Variants in DPYSL3 observed in about 807,000 individuals in gnomAD.
DPYSL3 encodes dihydropyrimidinase like 3, also known as dihydropyrimidinase-related protein 3.
DPYSL3 carries 16 observed loss-of-function variants against 66.1 expected under a neutral mutation model. The observed-to-expected ratio is 0.24, with a 90% CI of 0.16 to 0.37. DPYSL3 has a LOEUF of 0.37. DPYSL3 is among the 10% of genes least tolerant of loss of function. DPYSL3 has a pLI of 1.00. For synonymous variants in DPYSL3, 338 were observed against 345.1 expected, an observed-to-expected ratio of 0.98 and a Z score of 0.23; for missense variants, 738 against 916.2, an observed-to-expected ratio of 0.81 and a Z score of 2.51.
At chr5:147,486,130 T>C (rs1261487829) in intron 1 of DPYSL3, among the ~76,000 whole-genome samples, 1 of 152,180 alleles carries the variant, frequency 6.6e-6, no homozygotes, top group Admixed American at 6.5e-5. Flanking sequence ...TTCGTTTATA[T>C]AAAATATCCA....
intron 1 of DPYSL3, among the ~76,000 whole-genome samples, chr5:147,483,961 G>T (rs149837760): frequency 6.6e-6 from 1 of 152,152 alleles, no homozygotes. Flanking sequence ...AACATTACAC[G>T]TCACTTTCCA....
chr5:147,395,630 G>C lies in DPYSL3; in HGVS notation c.1895C>G (p.Ser632Cys). Residue 632 changes from serine (S) to cysteine (C), a missense_variant, in exon 13 of 14, where the codon TCT becomes TGT. By Grantham distance (112) the Ser-to-Cys change is moderately radical. Transcript: ENST00000343218. ...TTPKGGTPAG[S>C]ARGSPTRPNP... Reference sequence around the variant, plus strand: ...CGGCCGAGTAGGAGAGCCCCGAGCAGAGCCTGCGGGGGTGCCACCTTTGGG... The same window carrying C: ...CGGCCGAGTAGGAGAGCCCCGAGCACAGCCTGCGGGGGTGCCACCTTTGGG... 1 of 1,614,130 alleles carries C rather than the reference G, an allele frequency of 6.2e-7. No homozygotes were observed. The highest frequency in any genetic ancestry group is 1.7e-5 in the Admixed American group (1 of 60,012).
intron 2 of DPYSL3, among the ~76,000 whole-genome samples, chr5:147,420,516 G>C (rs1752056046): frequency 6.6e-6 from 1 of 152,098 alleles, no homozygotes; most frequent in South Asian, 2.1e-4. Context: ...ATGATGATTT[G>C]GGCCTTGATA....
intron 6 of DPYSL3, among the ~76,000 whole-genome samples, chr5:147,411,659 C>T (rs1751855017): frequency 6.6e-6 from 1 of 152,282 alleles, no homozygotes; most frequent in African/African-American, 2.4e-5. Context: ...CACCAAACGG[C>T]ACCTGCTATC....
intron 1 of DPYSL3, among the ~76,000 whole-genome samples, chr5:147,436,412 CA>C (rs1387868765): frequency 6.6e-6 from 1 of 151,914 alleles, no homozygotes; most frequent in Non-Finnish European, 1.5e-5. Context: ...TCAAAGCAAA[CA>C]AAAAATGCTG....
chr5:147,397,972 C>T, intron 11 of DPYSL3, 127 bp from the exon 12 acceptor site: 1 of 900,210 alleles, frequency 1.1e-6, no homozygotes, highest in East Asian at 2.8e-5. Context: ...GCTCACCATG[C>T]ATCTGCAAGC....
intron 1 of DPYSL3, among the ~76,000 whole-genome samples, chr5:147,477,879 G>A (rs1386838934): frequency 2.6e-5 from 4 of 152,106 alleles, no homozygotes; most frequent in Non-Finnish European, 5.9e-5. Context: ...ACCGCGCCCG[G>A]CCCTAAATCT....
In DPYSL3 at chr5:147,391,078, G is replaced by A. The variant is rs903885818; in HGVS notation, c.*2957C>T. 6.6e-6 allele frequency: 1 copy of A among 152,628 alleles called. No homozygotes were observed. The highest frequency in any genetic ancestry group is 2.4e-5 in the African/African-American group (1 of 41,436). 9.5% of individuals were successfully genotyped at this position (152,628 alleles called of 1,614,324 possible). ...GCTGGCTGCCCAGGGCAGCCCATGA[G>A]TGTATCTGGGACTCAAGCTGGAGTT... On this transcript the variant is annotated 3_prime_UTR_variant, in exon 14 of 14. Coordinates refer to ENST00000343218, the MANE Select transcript of DPYSL3 (RefSeq NM_001197294.2).
intron 6 of DPYSL3, among the ~76,000 whole-genome samples, chr5:147,409,610 G>A (rs1285011361): frequency 6.6e-6 from 1 of 152,144 alleles, no homozygotes; most frequent in African/African-American, 2.4e-5. Flanking sequence ...GCCTCTTTAT[G>A]GAAGAAGCAG....
chr5:147,428,843 C>T (rs1199117261), intron 1 of DPYSL3, among the ~76,000 whole-genome samples: 1 of 152,062 alleles, frequency 6.6e-6, no homozygotes, highest in African/African-American at 2.4e-5. Context: ...GGATAAATAG[C>T]TAATGCATGC....
chr5:147,399,231 T>C lies in DPYSL3; in HGVS notation c.1474A>G (p.Asn492Asp). The change falls in exon 11 of 14, where the codon AAC (asparagine) becomes GAC (aspartate). Residue 492 changes from asparagine to aspartate, a missense_variant. By Grantham distance (23) the Asn-to-Asp change is conservative. Coordinates refer to ENST00000343218, the MANE Select transcript of DPYSL3 (RefSeq NM_001197294.2). The part of the protein sequence containing the change: ...KAVATGKMDE[N>D]QFVAVTSTNA... ...GTGCTTGTCACAGCCACGAACTGGT[T>C]TTCGTCCATTTTCCCTGTGGCCTAT... The C allele has an allele frequency of 2.5e-6, 4 of 1,614,176 alleles. No individual in the cohort carries two copies. The highest frequency in any genetic ancestry group is 3.4e-6 in the Non-Finnish European group (4 of 1,180,022).
At chr5:147,423,875 C>T (rs1752137713) in intron 2 of DPYSL3, among the ~76,000 whole-genome samples, 1 of 152,120 alleles carries the variant, frequency 6.6e-6, no homozygotes, top group Admixed American at 6.6e-5. Context: ...CATACACCAG[C>T]ACACCCGGGT....
At chr5:147,430,460 A>G (rs1752291320) in intron 1 of DPYSL3, among the ~76,000 whole-genome samples, 1 of 151,200 alleles carries the variant, frequency 6.6e-6, no homozygotes, top group Non-Finnish European at 1.5e-5. Context: ...CAGTGAGCCA[A>G]GATCGCACCA....
At chr5:147,473,366 C>A (rs908031119) in intron 1 of DPYSL3, 6 of 152,146 alleles carry the variant, frequency 3.9e-5, no homozygotes, top group African/African-American at 1.4e-4. Flanking sequence ...GATACATAAT[C>A]TTTGAGACTC....
chr5:147,395,658 T>G lies in DPYSL3; in HGVS notation c.1867A>C (p.Thr623Pro). ...CCTGCGGGGGTGCCACCTTTGGGGG[T>G]GGTGGTCAGGTCAAACACAGGCCCA... is the stretch of plus-strand genomic sequence containing the variant. The part of the protein sequence containing the change: ...YDGPVFDLTT[T>P]PKGGTPAGSA... The change falls in exon 13 of 14, where the codon ACC becomes CCC. Residue 623 changes from threonine to proline, a missense_variant. Coordinates refer to ENST00000343218, the MANE Select transcript of DPYSL3 (RefSeq NM_001197294.2). 2 of 1,613,246 alleles carry G rather than the reference T, an allele frequency of 1.2e-6. No homozygotes were observed. Among genetic ancestry groups the G allele is most frequent in the Non-Finnish European group, 1.7e-6 (2 of 1,179,858 alleles).
intron 1 of DPYSL3, among the ~76,000 whole-genome samples, chr5:147,447,571 C>T (rs1473906140): frequency 6.6e-6 from 1 of 152,134 alleles, no homozygotes; most frequent in Non-Finnish European, 1.5e-5. Context: ...TTCGCCTCTC[C>T]TATTAACATC....
Position 147,397,820 on chromosome 5 carries a change from C to T in DPYSL3, c.1649G>A (p.Gly550Glu). Residue 550 changes from glycine to glutamate, a missense_variant, in exon 12 of 14, where the codon GGG becomes GAG. Physicochemically the swap from Gly to Glu is moderately conservative, Grantham distance 98. Transcript: ENST00000343218. Reference protein sequence around the residue: ...QSAAEYNIFEGMELRGAPLVV... With the variant: ...QSAAEYNIFEEMELRGAPLVV... ...CAGAGGAGCCCCGCGCAGCTCCATC[C>T]CTTCAAAGATGTTGTACTCTGCCGC... is the stretch of plus-strand genomic sequence containing the variant. 1.2e-6 allele frequency: 2 copies of T among 1,612,682 alleles called. No individual in the cohort carries two copies. The highest frequency in any genetic ancestry group is 1.7e-6 in the Non-Finnish European group (2 of 1,179,280).
intron 1 of DPYSL3, among the ~76,000 whole-genome samples, chr5:147,498,438 C>T (rs1489806760): frequency 6.6e-6 from 1 of 152,080 alleles, no homozygotes; most frequent in African/African-American, 2.4e-5. Flanking sequence ...ATTTATATTC[C>T]TTTGGGTGTA....
chr5:147,441,364 G>A (rs1439244732), intron 1 of DPYSL3, among the ~76,000 whole-genome samples: 1 of 151,758 alleles, frequency 6.6e-6, no homozygotes, highest in Non-Finnish European at 1.5e-5. Flanking sequence ...GTCCTCACAT[G>A]GTCTTCCCTC....
Sources: allele counts gnomAD v4.1 joint callset (sites outside exome capture counted in the v4.1 genomes callset), GRCh38; gene constraint gnomAD v4.1.1; transcripts MANE v1.5; gene names NCBI Gene and HGNC (gene_info 2026-07-23, HGNC 2026-07-21).